Variants in SYN2 observed in about 807,000 individuals in gnomAD.
The protein encoded by SYN2 is synapsin-2.
A neutral mutation model predicts 50.9 loss-of-function variants in SYN2; 19 were observed. The observed-to-expected ratio is 0.37, with a 90% CI of 0.26 to 0.55. SYN2 has a LOEUF of 0.55. Among genes scored for constraint, SYN2 ranks in the 20% least tolerant of loss-of-function variants. The probability of loss-of-function intolerance (pLI) is 0.81; values close to 1 mark genes in which losing one functional copy is unlikely to be tolerated. For missense variants in SYN2, 587 were observed against 576.4 expected, an observed-to-expected ratio of 1.02 and a Z score of -0.19; for synonymous variants, 255 against 224.9, an observed-to-expected ratio of 1.13 and a Z score of -1.20.
chr3:12,098,458 A>G (rs931833651), intron 1 of SYN2, among the ~76,000 whole-genome samples: 1 of 152,180 alleles, frequency 6.6e-6, no homozygotes, highest in Non-Finnish European at 1.5e-5. Flanking sequence ...ATATAGGAAG[A>G]AAATTTTTGT....
At chr3:12,070,566 A>C in intron 1 of SYN2, 1 of 1,228,376 alleles carries the variant, frequency 8.1e-7, no homozygotes, top group Non-Finnish European at 1.1e-6. Flanking sequence ...GGCCCTTGTG[A>C]ACCCCAAGGC....
At chr3:12,044,326 G>A (rs746208105) in intron 1 of SYN2, among the ~76,000 whole-genome samples, 2 of 152,080 alleles carry the variant, frequency 1.3e-5, no homozygotes, top group Non-Finnish European at 2.9e-5. Context: ...AGTCAAACTG[G>A]TAGAATATCA....
intron 1 of SYN2, among the ~76,000 whole-genome samples, chr3:12,032,375 C>T (rs1458801542): frequency 2.1e-5 from 1 of 46,974 alleles, no homozygotes; most frequent in Non-Finnish European, 4.1e-5. Context: ...TTGCTCTTCT[C>T]GAGGAGTATC....
rs760814733 is a variant in SYN2 at position 12,183,367 on chromosome 3, C to T, written c.1364C>T (p.Pro455Leu). Residue 455 changes from proline (P) to leucine (L), a missense_variant, in exon 11 of 13, where the codon CCT becomes CTT. By Grantham distance (98) the Pro-to-Leu change is moderately conservative. Transcript: ENST00000621198. The stretch of plus-strand genomic sequence containing the variant: ...AAGACCCCACCTCAGCGGCCACCCC[C>T]TCAAGGTTGTTTACAGTATATTCTC... ...SSKTPPQRPP[P>L]QGGPGQPQGM... 6.2e-6 allele frequency: 10 copies of T among 1,613,948 alleles called. No homozygotes were observed. Among genetic ancestry groups the T allele is most frequent in the Admixed American group, 1.7e-5 (1 of 60,014 alleles).
At chr3:12,089,007 T>TA (rs1434653741) in intron 1 of SYN2, among the ~76,000 whole-genome samples, 2 of 152,182 alleles carry the variant, frequency 1.3e-5, no homozygotes, top group East Asian at 3.8e-4. Context: ...TCAAAATTGC[T>TA]AAAAGAATAG....
intron 1 of SYN2, among the ~76,000 whole-genome samples, chr3:12,084,355 A>G (rs1042531678): frequency 2.0e-5 from 3 of 152,114 alleles, no homozygotes; most frequent in African/African-American, 7.2e-5. Flanking sequence ...TTAATATTCA[A>G]ATTAATTAAA....
intron 1 of SYN2, among the ~76,000 whole-genome samples, chr3:12,095,409 A>C (rs1298419070): frequency 9.2e-6 from 1 of 108,424 alleles, no homozygotes; most frequent in Non-Finnish European, 1.9e-5. Context: ...TTAGCTGGGC[A>C]TGGTGGCGGG....
At chr3:12,047,421 T>C (rs1156230468) in intron 1 of SYN2, among the ~76,000 whole-genome samples, 1 of 152,140 alleles carries the variant, frequency 6.6e-6, no homozygotes, top group African/African-American at 2.4e-5. Context: ...AGGGGTACTA[T>C]TTGAAGGAAA....
intron 1 of SYN2, chr3:12,070,475 T>C: frequency 1.6e-6 from 1 of 608,646 alleles, no homozygotes; most frequent in Non-Finnish European, 3.1e-6. Flanking sequence ...TCAACTGGGA[T>C]GACATGAAGA....
intron 2 of SYN2, 112 bp from the exon 3 acceptor site, chr3:12,141,793 C>T (rs1697025020): frequency 1.5e-6 from 1 of 680,414 alleles, no homozygotes; most frequent in East Asian, 2.6e-5. Flanking sequence ...AGTATGTGAA[C>T]ATGTTTTGAA....
rs756044687 is a variant in SYN2 at position 12,151,275 on chromosome 3, A to G, written c.723A>G (p.Gly241=). Residue 241 remains glycine (G), a synonymous_variant, in exon 5 of 13, where the codon GGA becomes GGG. Coordinates refer to ENST00000621198, the MANE Select transcript of SYN2 (RefSeq NM_133625.6). ...TCGCTATCTATAAGACACTGGGAGG[A>G]GAAAAGTTCCCTCTCATTGAACAGA... is the stretch of plus-strand genomic sequence containing the variant. The part of the protein sequence containing the change: ...QLVAIYKTLG[G]EKFPLIEQTY... The G allele has an allele frequency of 7.4e-6, 12 of 1,613,348 alleles. No individual in the cohort carries two copies. Among genetic ancestry groups the G allele is most frequent in the Non-Finnish European group, 5.1e-6 (6 of 1,179,760 alleles).
In SYN2 at chr3:12,004,532, C is replaced by T; in HGVS notation, c.-20C>T. On this transcript the variant is annotated 5_prime_UTR_variant, in exon 1 of 13. Coordinates refer to ENST00000621198, the MANE Select transcript of SYN2 (RefSeq NM_133625.6). ...CCACCAGACCCCGTAGCCCCGCGCG[C>T]CCCCAGCCCTTTAAGCCAGATGATG... 3.3e-6 allele frequency: 2 copies of T among 608,876 alleles called. No individual in the cohort carries two copies. The highest frequency in any genetic ancestry group is 2.5e-5 in the Admixed American group (1 of 40,672). 37.7% of individuals were successfully genotyped at this position (608,876 alleles called of 1,614,324 possible).
At chr3:12,145,892 C>G in intron 4 of SYN2, 57 bp downstream of exon 4, 1 of 1,601,808 alleles carries the variant, frequency 6.2e-7, no homozygotes, top group South Asian at 1.1e-5. Flanking sequence ...CTACATCTCC[C>G]AGGTCCCTAG....
chr3:12,190,682 C>T lies in SYN2; in HGVS notation c.*57C>T. The T allele has an allele frequency of 1.3e-6, 2 of 1,588,020 alleles. No individual in the cohort carries two copies. The highest frequency in any genetic ancestry group is 1.7e-6 in the Non-Finnish European group (2 of 1,167,930). On this transcript the variant is annotated 3_prime_UTR_variant, in exon 13 of 13. Transcript: ENST00000621198. ...CGGGAAAGGCATCTAAGACATTCAC[C>T]AACAACAGTCAGCCAGCTTGGTGGT...
At chr3:12,065,430 G>A (rs769633458) in intron 1 of SYN2, among the ~76,000 whole-genome samples, 6 of 152,124 alleles carry the variant, frequency 3.9e-5, no homozygotes, top group Non-Finnish European at 8.8e-5. Context: ...ACTATTCACA[G>A]TAGTAAAGAT....
rs779119631 is a variant in SYN2, at chr3:12,141,996, G to A, written c.527G>A (p.Arg176Gln). ...CTCCGGAATGGCACAAAGGTTGTCC[G>A]GTAAGGGTCTTTCTGTCCTCAGGAT... ...QVLRNGTKVVRSFRPDFVLIR... is the reference protein window; with the variant it reads ...QVLRNGTKVVQSFRPDFVLIR... Residue 176 changes from arginine to glutamine, a missense_variant and splice_region_variant, in exon 3 of 13, where the codon CGG (arginine) becomes CAG (glutamine). Arg to Gln is a conservative substitution (Grantham distance 43). Transcript: ENST00000621198. 3 of 780,720 alleles carry A rather than the reference G, an allele frequency of 3.8e-6. No homozygotes were observed. Among genetic ancestry groups the A allele is most frequent in the Admixed American group, 3.4e-5 (2 of 59,038 alleles). The allele number at this position is 780,720 out of a possible 1,614,324, so 48.4% of individuals were successfully genotyped here. A position where few individuals can be genotyped will look rare whatever the true frequency, so the allele number is the denominator to read the frequency against.
intron 1 of SYN2, among the ~76,000 whole-genome samples, chr3:12,121,813 G>C (rs979228840): frequency 5.3e-5 from 8 of 152,140 alleles, no homozygotes; most frequent in African/African-American, 1.7e-4. Flanking sequence ...AGATGATTGT[G>C]GGGGCTGGCA....
intron 4 of SYN2, among the ~76,000 whole-genome samples, chr3:12,150,641 G>A (rs1418280065): frequency 1.3e-5 from 2 of 152,174 alleles, no homozygotes; most frequent in Non-Finnish European, 2.9e-5. Flanking sequence ...TCCCTCGTTA[G>A]GTAGTAAGTC....
Position 12,183,849 on chromosome 3 carries a change from C to T in SYN2, c.1369+477C>T, listed in dbSNP as rs1026598127. The T allele has an allele frequency of 8.8e-6, 9 of 1,028,450 alleles. No homozygotes were observed. The South Asian group carries it at 2.2e-4, about 25-fold the overall frequency. The allele number at this position is 1,028,450 out of a possible 1,614,324, so 63.7% of individuals were successfully genotyped here. On this transcript the variant is annotated intron_variant, in intron 11 of 12. Coordinates refer to ENST00000621198, the MANE Select transcript of SYN2 (RefSeq NM_133625.6). ...AAAAAGAAAACCCAACTCCTCTCCT[C>T]CCCCCAAGCTCAGTTAAATCCCCCA...
Sources: allele counts gnomAD v4.1 joint callset (sites outside exome capture counted in the v4.1 genomes callset), GRCh38; gene constraint gnomAD v4.1.1; transcripts MANE v1.5; gene names NCBI Gene and HGNC (gene_info 2026-07-23, HGNC 2026-07-21).